INPP5A: variants seen among roughly 807,000 people sequenced by gnomAD.
The protein encoded by INPP5A is 43 kDa inositol polyphosphate 5-phophatase.
INPP5A carries 14 observed loss-of-function variants against 65.2 expected under a neutral mutation model. That is an observed-to-expected ratio of 0.21 (90% CI 0.14 to 0.34). INPP5A has a LOEUF of 0.34. Among genes scored for constraint, INPP5A ranks in the 10% least tolerant of loss-of-function variants. INPP5A has a pLI of 1.00. For missense variants in INPP5A, 431 were observed against 545.6 expected, an observed-to-expected ratio of 0.79 and a Z score of 2.09; for synonymous variants, 207 against 208.3, an observed-to-expected ratio of 0.99 and a Z score of 0.05.
At chr10:132,775,207 G>GGGGGCAGGGGGA (rs1366533817) in intron 12 of INPP5A, among the ~76,000 whole-genome samples, 1 of 98,650 alleles carries the variant, frequency 1.0e-5, no homozygotes, top group Non-Finnish European at 2.3e-5. Flanking sequence ...AGGGAGGAGA[G>GGGGGCAGGGGGA]GGGGCAGGGG....
At chr10:132,733,515 T>C (rs1846122762) in intron 9 of INPP5A, among the ~76,000 whole-genome samples, 2 of 152,364 alleles carry the variant, frequency 1.3e-5, no homozygotes, top group Admixed American at 6.5e-5. Context: ...GCCCCTCTTA[T>C]GGAAAATCAA....
At chr10:132,589,433 T>C (rs1265523007) in intron 1 of INPP5A, among the ~76,000 whole-genome samples, 2 of 152,216 alleles carry the variant, frequency 1.3e-5, no homozygotes, top group Non-Finnish European at 2.9e-5. Flanking sequence ...TGAGGGTCCC[T>C]TTGCCAGGGC....
chr10:132,681,203 C>T (rs968089581), intron 4 of INPP5A, among the ~76,000 whole-genome samples: 2 of 152,022 alleles, frequency 1.3e-5, no homozygotes, highest in Non-Finnish European at 2.9e-5. Flanking sequence ...ACAGACCACT[C>T]GGCTCTACCA....
intron 4 of INPP5A, among the ~76,000 whole-genome samples, chr10:132,689,992 G>T (rs548280970): frequency 6.6e-6 from 1 of 152,184 alleles, no homozygotes; most frequent in African/African-American, 2.4e-5. Context: ...TGGGACCTGC[G>T]CCCCTGCTGG....
rs1027020390 is a variant in INPP5A, at chr10:132,603,899, G to A, written c.76-4016G>A. On this transcript the variant is annotated intron_variant, in intron 1 of 15. Transcript: ENST00000368594. The surrounding 1 kb of genome is among the most constrained non-coding windows in gnomAD (Gnocchi z 4.2). ...GGCTCTGCTGCATCACCTGAGTTCT[G>A]CCCTGCGCCGTCAGGGTCCCCTCTC... is the stretch of plus-strand genomic sequence containing the variant. Among the ~76,000 whole-genome samples the A allele has an allele frequency of 6.6e-6, 1 of 152,010 alleles. No homozygotes were observed. The highest frequency in any genetic ancestry group is 1.5e-5 in the Non-Finnish European group (1 of 67,956).
At chr10:132,591,789 C>T (rs1348071842) in intron 1 of INPP5A, among the ~76,000 whole-genome samples, 1 of 91,644 alleles carries the variant, frequency 1.1e-5, no homozygotes, top group Non-Finnish European at 2.8e-5. Flanking sequence ...GATCTCCTTT[C>T]CCGGAGCTGC....
intron 9 of INPP5A, among the ~76,000 whole-genome samples, chr10:132,748,411 C>A (rs1846410985): frequency 6.6e-6 from 1 of 152,228 alleles, no homozygotes; most frequent in Non-Finnish European, 1.5e-5. Flanking sequence ...GGGTCTCACA[C>A]TTCCCTTGTT....
chr10:132,572,213 C>T (rs1449811859), intron 1 of INPP5A, among the ~76,000 whole-genome samples: 2 of 152,250 alleles, frequency 1.3e-5, no homozygotes, highest in Non-Finnish European at 2.9e-5. Flanking sequence ...CATTGTGATA[C>T]TCAGAGGAAA....
At chr10:132,585,408 T>G (rs1319526954) in intron 1 of INPP5A, among the ~76,000 whole-genome samples, 1 of 152,248 alleles carries the variant, frequency 6.6e-6, no homozygotes, top group Non-Finnish European at 1.5e-5. Flanking sequence ...TTGCCGTATA[T>G]TGTCCTAGTT....
chr10:132,729,027 G>A (rs1314814273), intron 9 of INPP5A, among the ~76,000 whole-genome samples: 2 of 144,192 alleles, frequency 1.4e-5, no homozygotes, highest in Non-Finnish European at 3.0e-5. Context: ...AGGCGTGGGG[G>A]GCCTGGACTC....
chr10:132,670,843 C>CTT (rs11289296), intron 4 of INPP5A, among the ~76,000 whole-genome samples: 15 of 117,026 alleles, frequency 1.3e-4, no homozygotes, highest in South Asian at 3.1e-4. Context: ...GTCTTTCTTT[C>CTT]TTTTTTTTTT....
intron 1 of INPP5A, among the ~76,000 whole-genome samples, chr10:132,539,986 T>A (rs999763243): frequency 2.0e-5 from 3 of 152,244 alleles, no homozygotes; most frequent in African/African-American, 7.2e-5. Flanking sequence ...CAACTTCATC[T>A]AGGTTTATGT....
chr10:132,609,352 C>T (rs1488925019), intron 2 of INPP5A, among the ~76,000 whole-genome samples: 1 of 152,240 alleles, frequency 6.6e-6, no homozygotes, highest in Non-Finnish European at 1.5e-5. Context: ...CTCTCATCAT[C>T]TCTGTCCTTT....
chr10:132,689,260 G>C (rs768940033), intron 4 of INPP5A, among the ~76,000 whole-genome samples: 3 of 152,172 alleles, frequency 2.0e-5, no homozygotes, highest in Non-Finnish European at 4.4e-5. Flanking sequence ...TCTCTTCCCT[G>C]TGGAAGGCCC....
At chr10:132,563,449 C>T (rs1006988588) in intron 1 of INPP5A, among the ~76,000 whole-genome samples, 6 of 152,130 alleles carry the variant, frequency 3.9e-5, no homozygotes, top group Non-Finnish European at 7.3e-5. Context: ...ACAGCAGCGC[C>T]GTCATCTTCA....
chr10:132,695,215 C>A (rs1469255583), intron 5 of INPP5A, among the ~76,000 whole-genome samples: 4 of 151,852 alleles, frequency 2.6e-5, no homozygotes, highest in African/African-American at 9.7e-5. Flanking sequence ...TAATGTAATC[C>A]ATCACAGCAG....
Position 132,637,820 on chromosome 10 carries a change from A to T in INPP5A, c.118-8048A>T, listed in dbSNP as rs73401234. ...TTGAGTAGATTTGATTTTATCTGCA[A>T]TGTGGGCTCCCGTCCTGTTCTGCCT... On this transcript the variant is annotated intron_variant, in intron 2 of 15. Transcript: ENST00000368594. This position sits in a 1 kb window ranked among gnomAD's most constrained non-coding sequence, Gnocchi z 4.1. Among the ~76,000 whole-genome samples the T allele has an allele frequency of 6.6e-6, 1 of 152,074 alleles. No individual in the cohort carries two copies. The highest frequency in any genetic ancestry group is 2.1e-4 in the South Asian group (1 of 4,818).
chr10:132,618,161 A>G (rs147554602), intron 2 of INPP5A, among the ~76,000 whole-genome samples: 64 of 152,396 alleles, frequency 4.2e-4, no homozygotes, highest in African/African-American at 1.4e-3. Context: ...TTTTAAAAAT[A>G]GAGTTTTAAA....
rs1165912188 is a variant in INPP5A, at chr10:132,637,170, G to C, written c.118-8698G>C. Among the ~76,000 whole-genome samples the C allele has an allele frequency of 3.3e-5, 5 of 152,184 alleles. No individual in the cohort carries two copies. The highest frequency in any genetic ancestry group is 1.2e-4 in the African/African-American group (5 of 41,452). ...TGACCTTGTGGTTGATCCGCCCGCT[G>C]CCTCGGCCTCCCAAAGTGGTGGGAT... On this transcript the variant is annotated intron_variant, in intron 2 of 15. Transcript: ENST00000368594. The surrounding 1 kb of genome is among the most constrained non-coding windows in gnomAD (Gnocchi z 4.1).
Sources: gnomAD v4.1 joint callset for allele counts (sites outside exome capture counted in the v4.1 genomes callset) on GRCh38, gnomAD v4.1.1 for gene constraint, Gnocchi (gnomAD v3.1) non-coding constraint, MANE v1.5 for transcripts, NCBI Gene and HGNC (gene_info 2026-07-23, HGNC 2026-07-21) for gene names.